Variants in ATE1 observed in about 807,000 individuals in gnomAD.
ATE1 encodes arginyl-tRNA--protein transferase 1.
Under a neutral mutation model 70.5 loss-of-function variants are expected in ATE1, and 36 were observed. That is an observed-to-expected ratio of 0.51 (90% CI 0.39 to 0.67). The LOEUF (loss-of-function observed/expected upper bound fraction) is 0.67, where lower values mean the gene tolerates loss of function less well. Ranked by LOEUF, ATE1 falls within the 30% of genes least tolerant of loss-of-function variation. The pLI, the probability that ATE1 is intolerant of heterozygous loss-of-function variation, is 0.00. For missense variants in ATE1, 593 were observed against 629.5 expected, an observed-to-expected ratio of 0.94 and a Z score of 0.62; for synonymous variants, 232 against 219.3, an observed-to-expected ratio of 1.06 and a Z score of -0.51.
intron 6 of ATE1, among the ~76,000 whole-genome samples, chr10:121,901,221 C>T (rs77448836): frequency 0.13 from 20,021 of 151,776 alleles, 1,520 homozygotes; most frequent in East Asian, 0.19. Flanking sequence ...GAGCCGAGAT[C>T]GCGCCATTGC....
intron 10 of ATE1, among the ~76,000 whole-genome samples, chr10:121,817,215 C>A (rs1947578293): frequency 6.6e-6 from 1 of 152,202 alleles, no homozygotes; most frequent in African/African-American, 2.4e-5. Context: ...ACTTATTGAA[C>A]ATTTACCATA....
At chr10:121,801,273 G>A (rs542999272) in intron 10 of ATE1, among the ~76,000 whole-genome samples, 3 of 152,052 alleles carry the variant, frequency 2.0e-5, no homozygotes, top group South Asian at 2.1e-4. Context: ...CAAAGGCTCC[G>A]GGACTTACTT....
At chr10:121,823,152 C>T (rs1471365997) in intron 10 of ATE1, among the ~76,000 whole-genome samples, 4 of 151,836 alleles carry the variant, frequency 2.6e-5, no homozygotes, top group Non-Finnish European at 4.4e-5. Flanking sequence ...TAGCCAGGCA[C>T]GGTGGCGGGC....
intron 8 of ATE1, among the ~76,000 whole-genome samples, chr10:121,850,822 T>C (rs1167847167): frequency 6.6e-6 from 1 of 152,158 alleles, no homozygotes; most frequent in Non-Finnish European, 1.5e-5. Context: ...CCGGGTGCAG[T>C]GGCTCACGCC....
intron 10 of ATE1, among the ~76,000 whole-genome samples, chr10:121,820,180 C>T (rs1323900658): frequency 6.6e-6 from 1 of 151,796 alleles, no homozygotes; most frequent in African/African-American, 2.4e-5. Context: ...TAAATAAACA[C>T]CACACACAAT....
chr10:121,856,646 A>G (rs1949260535), intron 8 of ATE1, among the ~76,000 whole-genome samples: 1 of 152,232 alleles, frequency 6.6e-6, no homozygotes, highest in South Asian at 2.1e-4. Context: ...TGGTTTTCCT[A>G]TTGTTTACAC....
intron 11 of ATE1, among the ~76,000 whole-genome samples, chr10:121,747,206 C>G (rs1021813067): frequency 1.3e-5 from 2 of 152,130 alleles, no homozygotes; most frequent in Non-Finnish European, 2.9e-5. Context: ...GTTAATTTGT[C>G]CAGGGACATA....
chr10:121,768,134 AGAG>A (rs1945352262), intron 11 of ATE1, among the ~76,000 whole-genome samples: 1 of 152,232 alleles, frequency 6.6e-6, no homozygotes, highest in Non-Finnish European at 1.5e-5. Flanking sequence ...TTTGGTACTT[AGAG>A]AAGTCAAATT....
At chr10:121,903,985 CT>C (rs55931393) in intron 5 of ATE1, among the ~76,000 whole-genome samples, 19,496 of 144,880 alleles carry the variant, frequency 0.13, 1,302 homozygotes, top group East Asian at 0.18. Flanking sequence ...TCCAAATTTT[CT>C]TTTTTTTTTT....
At chr10:121,849,818 A>G (rs1318734365) in intron 8 of ATE1, among the ~76,000 whole-genome samples, 1 of 151,968 alleles carries the variant, frequency 6.6e-6, no homozygotes, top group Non-Finnish European at 1.5e-5. Context: ...TTGCAGCTGG[A>G]GCAGCCAGAA....
intron 10 of ATE1, among the ~76,000 whole-genome samples, chr10:121,791,015 CAT>C (rs764493509): frequency 3.9e-4 from 56 of 145,412 alleles, no homozygotes; most frequent in Non-Finnish European, 6.2e-4. Context: ...TATATGTATA[CAT>C]GTGTGTATAT....
chr10:121,866,846 C>CAAA (rs35535465), intron 8 of ATE1, among the ~76,000 whole-genome samples: 256 of 102,888 alleles, frequency 2.5e-3, no homozygotes, highest in Admixed American at 5.2e-3. Context: ...GACTCTGTCT[C>CAAA]AAAAAAAAAA....
chr10:121,902,910 G>A (rs1951038632), intron 5 of ATE1, among the ~76,000 whole-genome samples: 1 of 151,972 alleles, frequency 6.6e-6, no homozygotes, highest in Non-Finnish European at 1.5e-5. Context: ...CTGTCACCCA[G>A]GCTGGAGTGC....
chr10:121,810,688 C>A (rs766780227), intron 10 of ATE1, among the ~76,000 whole-genome samples: 1 of 151,706 alleles, frequency 6.6e-6, no homozygotes, highest in African/African-American at 2.4e-5. Flanking sequence ...GTATATAACT[C>A]TAACTTAAAA....
At chr10:121,927,715 G>T in intron 1 of ATE1, 129 bp downstream of exon 1, 1 of 1,349,948 alleles carries the variant, frequency 7.4e-7, no homozygotes. Flanking sequence ...CCTCCCGAGA[G>T]TGCCCCCTCC....
intron 10 of ATE1, among the ~76,000 whole-genome samples, chr10:121,794,707 A>G (rs1590320666): frequency 6.6e-6 from 1 of 151,776 alleles, no homozygotes; most frequent in African/African-American, 2.4e-5. Flanking sequence ...CTCAAAAAAC[A>G]ACATAAGACC....
intron 8 of ATE1, among the ~76,000 whole-genome samples, chr10:121,855,739 G>T (rs186097735): frequency 2.0e-5 from 3 of 152,240 alleles, no homozygotes; most frequent in Admixed American, 1.3e-4. Context: ...AGAAACTAAA[G>T]AAACTCTTAA....
At chr10:121,830,759 C>A (rs1267585029) in intron 10 of ATE1, among the ~76,000 whole-genome samples, 1 of 152,120 alleles carries the variant, frequency 6.6e-6, no homozygotes, top group Non-Finnish European at 1.5e-5. Flanking sequence ...AAAATGCTGA[C>A]TGTATGAAGT....
intron 11 of ATE1, among the ~76,000 whole-genome samples, chr10:121,765,106 A>G (rs1277002465): frequency 1.3e-5 from 2 of 152,202 alleles, no homozygotes; most frequent in African/African-American, 2.4e-5. Flanking sequence ...CTGGGTAGAC[A>G]GAACAGGGAG....
Sources: allele counts gnomAD v4.1 joint callset (sites outside exome capture counted in the v4.1 genomes callset), GRCh38; gene constraint gnomAD v4.1.1; transcripts MANE v1.5; gene names NCBI Gene and HGNC (gene_info 2026-07-23, HGNC 2026-07-21).